SCAI: variants seen among roughly 807,000 people sequenced by gnomAD.
SCAI encodes suppressor of cancer cell invasion, also known as protein SCAI.
A neutral mutation model predicts 92.2 loss-of-function variants in SCAI; 24 were observed. The ratio of observed to expected loss-of-function variants is 0.26; its 90% CI spans 0.19 to 0.37. SCAI has a LOEUF of 0.37. SCAI is among the 10% of genes least tolerant of loss of function. The probability of loss-of-function intolerance (pLI) is 1.00; values close to 1 mark genes in which losing one functional copy is unlikely to be tolerated. For missense variants in SCAI, 450 were observed against 736.2 expected, an observed-to-expected ratio of 0.61 and a Z score of 4.50; for synonymous variants, 261 against 258.6, an observed-to-expected ratio of 1.01 and a Z score of -0.09.
chr9:125,111,208 T>A (rs982910403), intron 2 of SCAI, among the ~76,000 whole-genome samples: 24 of 148,234 alleles, frequency 1.6e-4, no homozygotes, highest in African/African-American at 3.0e-4. Context: ...GTTTAACATT[T>A]AAAAAAAAAA....
At position 124,952,902 on chromosome 9, in the gene SCAI, C is replaced by A; in HGVS notation, c.1726G>T (p.Val576Leu). The A allele has an allele frequency of 6.2e-7, 1 of 1,613,104 alleles. No individual in the cohort carries two copies. The highest frequency in any genetic ancestry group is 8.5e-7 in the Non-Finnish European group (1 of 1,179,140). The part of the protein sequence containing the change: ...SYPQLPRDET[V>L]ENPHLQKHIL... ...TGCTTCTGGAGATGAGGATTCTCCACTGTTTCATCCCTTGGCAGTTGTGGA... is the reference window on the plus strand; with the variant it reads ...TGCTTCTGGAGATGAGGATTCTCCAATGTTTCATCCCTTGGCAGTTGTGGA... The change falls in exon 18 of 18, where the codon GTG becomes TTG. Residue 576 changes from valine (V) to leucine (L), a missense_variant. Val to Leu is a conservative substitution (Grantham distance 32, BLOSUM62 1). This residue lies in a region of SCAI where 360 missense variants were observed against 601.8 expected (regional missense o/e 0.60). Transcript: ENST00000336505.
At position 125,091,629 on chromosome 9, in the gene SCAI, A is replaced by C. The variant is rs1287813624; in HGVS notation, c.99-35622T>G. Among the ~76,000 whole-genome samples, 2 of 152,198 alleles carry C rather than the reference A, an allele frequency of 1.3e-5. No individual in the cohort carries two copies. Among genetic ancestry groups the C allele is most frequent in the East Asian group, 3.8e-4 (2 of 5,200 alleles). ...TAAATAGGGCTGAAGAAATACACATAATCATGCTGACTGATCTCACTTTCA... is the reference window on the plus strand; with the variant it reads ...TAAATAGGGCTGAAGAAATACACATCATCATGCTGACTGATCTCACTTTCA... On this transcript the variant is annotated intron_variant, in intron 2 of 17. Coordinates refer to ENST00000336505, the MANE Select transcript of SCAI (RefSeq NM_001144877.3). The surrounding 1 kb of genome is among the most constrained non-coding windows in gnomAD (Gnocchi z 4.3).
chr9:125,040,927 C>A (rs1237789550), intron 3 of SCAI, among the ~76,000 whole-genome samples: 3 of 152,078 alleles, frequency 2.0e-5, no homozygotes, highest in African/African-American at 7.2e-5. Context: ...AGCCACCGCA[C>A]CCGGCCTCCC....
rs2131562728 is a variant in SCAI, at chr9:124,948,592, CT to C, written c.*4214del. On this transcript the variant is annotated 3_prime_UTR_variant, in exon 18 of 18. Coordinates refer to ENST00000336505, the MANE Select transcript of SCAI (RefSeq NM_001144877.3). Reference sequence around the variant, plus strand: ...GTTCTAGCTCTATCACTATGAATAGCTTTTTGGGTCTCAGCTTTCTCTTCTG... The same window carrying C: ...GTTCTAGCTCTATCACTATGAATAGCTTTTGGGTCTCAGCTTTCTCTTCTG... The C allele has an allele frequency of 6.6e-6, 1 of 152,302 alleles. No individual in the cohort carries two copies. The highest frequency in any genetic ancestry group is 1.5e-5 in the Non-Finnish European group (1 of 68,026). 9.4% of individuals were successfully genotyped at this position (152,302 alleles called of 1,614,324 possible). A position where few individuals can be genotyped will look rare whatever the true frequency, so the allele number is the denominator to read the frequency against.
intron 2 of SCAI, among the ~76,000 whole-genome samples, chr9:125,083,240 G>A (rs148211568): frequency 1.1e-4 from 16 of 152,086 alleles, no homozygotes; most frequent in South Asian, 6.2e-4. Context: ...CTTGCAGGCC[G>A]GGCATGGTGG....
At chr9:124,957,961 G>T (rs969816958) in intron 17 of SCAI, among the ~76,000 whole-genome samples, 2 of 152,208 alleles carry the variant, frequency 1.3e-5, no homozygotes, top group African/African-American at 4.8e-5. Context: ...GGGATTACAG[G>T]TATGAGCCAC....
intron 2 of SCAI, chr9:125,066,010 T>A: frequency 1.3e-6 from 1 of 772,054 alleles, no homozygotes; most frequent in Non-Finnish European, 2.4e-6. Context: ...AATGTTGATA[T>A]CTTTCCCCTT....
rs1050001177 is a variant in SCAI at position 124,945,158 on chromosome 9, G to A, written c.*7649C>T. On this transcript the variant is annotated 3_prime_UTR_variant, in exon 18 of 18. Transcript: ENST00000336505. ...AATTTAGGCTTGAATAAGTGAGTTT[G>A]TAGTTTTAATATAATGTACTTCAAA... 6.7e-6 allele frequency: 1 copy of A among 149,726 alleles called. No individual in the cohort carries two copies. Among genetic ancestry groups the A allele is most frequent in the Non-Finnish European group, 1.5e-5 (1 of 67,644 alleles). 9.3% of individuals were successfully genotyped at this position (149,726 alleles called of 1,614,324 possible). A position where few individuals can be genotyped will look rare whatever the true frequency, so the allele number is the denominator to read the frequency against.
In SCAI at chr9:125,122,881, A is replaced by T. The variant is rs147700038; in HGVS notation, c.98+19752T>A. Among the ~76,000 whole-genome samples the T allele has an allele frequency of 3.4e-3, 517 of 152,302 alleles. 2 individuals are homozygous for T. The highest frequency in any genetic ancestry group is 0.01 in the Middle Eastern group (3 of 294). ...AGATCGCACCACCGCATTGCAGCCC[A>T]GGTGACTGGAGTGAGACCCTGTCTC... On this transcript the variant is annotated intron_variant, in intron 2 of 17. Transcript: ENST00000336505.
chr9:125,122,678 G>A (rs1835179743), intron 2 of SCAI, among the ~76,000 whole-genome samples: 1 of 151,926 alleles, frequency 6.6e-6, no homozygotes, highest in African/African-American at 2.4e-5. Flanking sequence ...GCCGAGGCGG[G>A]TGGATTGCTT....
chr9:125,051,463 T>C (rs1468856129), intron 3 of SCAI, among the ~76,000 whole-genome samples: 1 of 152,206 alleles, frequency 6.6e-6, no homozygotes, highest in East Asian at 1.9e-4. Context: ...AACAGCACCT[T>C]AGAAAGATAC....
chr9:125,078,252 C>T (rs907491996), intron 2 of SCAI, among the ~76,000 whole-genome samples: 7 of 152,026 alleles, frequency 4.6e-5, no homozygotes, highest in Admixed American at 1.3e-4. Flanking sequence ...TTAGGCTGGG[C>T]GTGTTGGCTC....
intron 3 of SCAI, among the ~76,000 whole-genome samples, chr9:125,050,940 A>T (rs892228015): frequency 6.6e-6 from 1 of 152,202 alleles, no homozygotes; most frequent in African/African-American, 2.4e-5. Flanking sequence ...CATCTCTCTC[A>T]AACAAAAATC....
chr9:124,995,115 A>T, intron 13 of SCAI, 100 bp from the exon 14 acceptor site: 1 of 782,648 alleles, frequency 1.3e-6, no homozygotes, highest in East Asian at 2.9e-5. Context: ...GCATCATAGC[A>T]CTGAGAGAAA....
chr9:124,976,722 C>G (rs1445792396), intron 14 of SCAI, among the ~76,000 whole-genome samples: 1 of 152,116 alleles, frequency 6.6e-6, no homozygotes, highest in African/African-American at 2.4e-5. Context: ...GAAGGTATAT[C>G]TACAAGGGAA....
chr9:125,140,858 CAA>C (rs781364834), intron 2 of SCAI, among the ~76,000 whole-genome samples: 15 of 121,750 alleles, frequency 1.2e-4, no homozygotes, highest in South Asian at 2.6e-4. Context: ...GACCCTGTCT[CAA>C]AAAAAAAAAA....
chr9:124,975,735 C>A (rs1171516163), intron 15 of SCAI, among the ~76,000 whole-genome samples: 1 of 152,202 alleles, frequency 6.6e-6, no homozygotes, highest in Non-Finnish European at 1.5e-5. Flanking sequence ...ATCTTAAAGT[C>A]TTAAAAGATG....
At chr9:125,114,129 G>A (rs937788527) in intron 2 of SCAI, among the ~76,000 whole-genome samples, 4 of 152,156 alleles carry the variant, frequency 2.6e-5, no homozygotes, top group Non-Finnish European at 4.4e-5. Flanking sequence ...GGTAAATACG[G>A]TGACATCTGT....
intron 9 of SCAI, among the ~76,000 whole-genome samples, chr9:125,004,902 C>G (rs2131044248): frequency 6.8e-6 from 1 of 147,142 alleles, no homozygotes; most frequent in African/African-American, 2.5e-5. Context: ...GATTCTCCTG[C>G]CTCAGCCTCC....
Sources: allele counts gnomAD v4.1 joint callset (sites outside exome capture counted in the v4.1 genomes callset), GRCh38; gene constraint gnomAD v4.1.1; regional missense constraint gnomAD v4.1.1; non-coding constraint Gnocchi (gnomAD v3.1); transcripts MANE v1.5; gene names NCBI Gene and HGNC (gene_info 2026-07-23, HGNC 2026-07-21).